Variants in DCUN1D3 observed in about 807,000 individuals in gnomAD.
The protein encoded by DCUN1D3 is DCN1-like protein 3.
In DCUN1D3, 6 loss-of-function variants were observed where a neutral mutation model predicts 24.8. The observed-to-expected ratio is 0.24, with a 90% CI of 0.13 to 0.48. DCUN1D3 has a LOEUF of 0.48. Ranked by LOEUF, DCUN1D3 falls within the 20% of genes least tolerant of loss-of-function variation. The pLI, the probability that DCUN1D3 is intolerant of heterozygous loss-of-function variation, is 0.99. For synonymous variants in DCUN1D3, 120 were observed against 144.9 expected (o/e 0.83, Z 1.24); for missense variants, 258 against 379.4 (o/e 0.68, Z 2.66).
rs537806934 is a variant in DCUN1D3 at position 20,870,209 on chromosome 16, A to G, written c.-105-7566T>C. 6.6e-5 allele frequency among the ~76,000 whole-genome samples: 10 copies of G among 152,266 alleles called. No individual in the cohort carries two copies. The East Asian group carries it at 1.9e-3, about 29-fold the overall frequency. The stretch of plus-strand genomic sequence containing the variant: ...ACCTTTTTTGGCATTCAGTGAGGCC[A>G]AAGTTCTAAATGTGCAACCCTCCTA... On this transcript the variant is annotated intron_variant, in intron 1 of 2. Coordinates refer to ENST00000324344, the MANE Select transcript of DCUN1D3 (RefSeq NM_173475.4).
At chr16:20,861,656 A>C (rs2081733097) in intron 2 of DCUN1D3, among the ~76,000 whole-genome samples, 1 of 152,180 alleles carries the variant, frequency 6.6e-6, no homozygotes, top group African/African-American at 2.4e-5. Flanking sequence ...ATTTAAGGCA[A>C]AGATGAGCAG....
chr16:20,887,751 A>T (rs1029942599), intron 1 of DCUN1D3, among the ~76,000 whole-genome samples: 1 of 152,276 alleles, frequency 6.6e-6, no homozygotes, highest in African/African-American at 2.4e-5. Context: ...GTCAAACATT[A>T]TCTAGACTGG....
At chr16:20,895,865 C>T (rs1271178284) in intron 1 of DCUN1D3, among the ~76,000 whole-genome samples, 1 of 152,192 alleles carries the variant, frequency 6.6e-6, no homozygotes, top group Non-Finnish European at 1.5e-5. Flanking sequence ...GTTACCACGT[C>T]ATTACCATTG....
At position 20,898,957 on chromosome 16, in the gene DCUN1D3, T is replaced by C. The variant is rs188019584; in HGVS notation, c.-106+1247A>G. Among the ~76,000 whole-genome samples the C allele has an allele frequency of 1.8e-4, 28 of 152,266 alleles. No homozygotes were observed. In the East Asian group the frequency reaches 4.2e-3, roughly 23 times the overall value. ...CTTTCCATTCTTTGCTTCAAATAATTTTTTCACATCCGTTATTGGTTTGTA... is the reference window on the plus strand; with the variant it reads ...CTTTCCATTCTTTGCTTCAAATAATCTTTTCACATCCGTTATTGGTTTGTA... On this transcript the variant is annotated intron_variant, in intron 1 of 2. Coordinates refer to ENST00000324344, the MANE Select transcript of DCUN1D3 (RefSeq NM_173475.4).
chr16:20,892,690 T>C (rs2081897467), intron 1 of DCUN1D3, among the ~76,000 whole-genome samples: 2 of 152,136 alleles, frequency 1.3e-5, no homozygotes, highest in African/African-American at 4.8e-5. Flanking sequence ...TGCACTGGTG[T>C]TCGAGAACAG....
rs2081703105 is a variant in DCUN1D3 at position 20,856,401 on chromosome 16, A to G, written c.*3485T>C. ...ATTTTGGCACCAGCCCCTAGAGACC[A>G]GTACTGCTTCAAAGACTAATACTGT... On this transcript the variant is annotated 3_prime_UTR_variant, in exon 3 of 3. Coordinates refer to ENST00000324344, the MANE Select transcript of DCUN1D3 (RefSeq NM_173475.4). The G allele has an allele frequency of 6.6e-6, 1 of 152,258 alleles. No homozygotes were observed. Among genetic ancestry groups the G allele is most frequent in the African/African-American group, 2.4e-5 (1 of 41,474 alleles). 9.4% of individuals were successfully genotyped at this position (152,258 alleles called of 1,614,324 possible).
chr16:20,888,521 C>T (rs560233281), intron 1 of DCUN1D3, among the ~76,000 whole-genome samples: 7 of 152,204 alleles, frequency 4.6e-5, no homozygotes, highest in Admixed American at 6.5e-5. Context: ...TGCAGTGACA[C>T]GATCACAGCT....
chr16:20,893,521 C>G (rs1163995932), intron 1 of DCUN1D3, among the ~76,000 whole-genome samples: 1 of 152,208 alleles, frequency 6.6e-6, no homozygotes, highest in African/African-American at 2.4e-5. Context: ...AAAATAACCA[C>G]TTTTCAACCT....
intron 1 of DCUN1D3, among the ~76,000 whole-genome samples, chr16:20,876,485 C>T (rs2081816274): frequency 6.7e-6 from 1 of 149,292 alleles, no homozygotes; most frequent in East Asian, 1.9e-4. Context: ...AAAATGGGAA[C>T]CCTCGTATAC....
Position 20,862,675 on chromosome 16 carries a change from G to A in DCUN1D3, c.-105-32C>T, listed in dbSNP as rs933360326. 5.3e-5 allele frequency: 80 copies of A among 1,503,170 alleles called. 4 individuals are homozygous for A. The South Asian group carries it at 1.1e-3, about 20-fold the overall frequency. 93.1% of individuals were successfully genotyped at this position (1,503,170 alleles called of 1,614,324 possible). Reference sequence around the variant, plus strand: ...GGAAATTAGAAAGCCATCACCTCTGGGTGGGGGAAATGGGGTATGGACCCT... The same window carrying A: ...GGAAATTAGAAAGCCATCACCTCTGAGTGGGGGAAATGGGGTATGGACCCT... On this transcript the variant is annotated intron_variant, in intron 1 of 2. Coordinates refer to ENST00000324344, the MANE Select transcript of DCUN1D3 (RefSeq NM_173475.4).
chr16:20,871,312 C>T (rs1008852370), intron 1 of DCUN1D3, among the ~76,000 whole-genome samples: 1 of 152,014 alleles, frequency 6.6e-6, no homozygotes, highest in Non-Finnish European at 1.5e-5. Flanking sequence ...TGGGGAGGAA[C>T]CCATGACTTT....
chr16:20,886,777 T>C (rs1396501844), intron 1 of DCUN1D3, among the ~76,000 whole-genome samples: 2 of 152,248 alleles, frequency 1.3e-5, no homozygotes, highest in African/African-American at 2.4e-5. Flanking sequence ...TCTTTGCTTC[T>C]GCTTTCTTCA....
chr16:20,871,945 T>C (rs990257552), intron 1 of DCUN1D3, among the ~76,000 whole-genome samples: 2 of 152,216 alleles, frequency 1.3e-5, no homozygotes, highest in Non-Finnish European at 2.9e-5. Flanking sequence ...GGATTTGTAC[T>C]GAACCTTAAC....
intron 1 of DCUN1D3, among the ~76,000 whole-genome samples, chr16:20,887,197 G>A (rs1272001906): frequency 1.3e-5 from 2 of 152,148 alleles, no homozygotes; most frequent in African/African-American, 4.8e-5. Context: ...AGCTACTCGG[G>A]AGGCTGAGGC....
At chr16:20,898,029 C>T (rs1311474101) in intron 1 of DCUN1D3, among the ~76,000 whole-genome samples, 2 of 152,202 alleles carry the variant, frequency 1.3e-5, no homozygotes, top group South Asian at 4.1e-4. Context: ...AACTCTCCCC[C>T]GTGTTCACTA....
chr16:20,885,024 G>A (rs1481832081), intron 1 of DCUN1D3, among the ~76,000 whole-genome samples: 1 of 148,696 alleles, frequency 6.7e-6, no homozygotes, highest in Non-Finnish European at 1.5e-5. Context: ...TCACCAGGCT[G>A]GAGTACAATG....
chr16:20,875,085 C>T (rs11074477), intron 1 of DCUN1D3, among the ~76,000 whole-genome samples: 64,546 of 151,640 alleles, frequency 0.43, 16,218 homozygotes, highest in Non-Finnish European at 0.58. Flanking sequence ...CAGCTATGCC[C>T]TATTTTAAGA....
intron 1 of DCUN1D3, among the ~76,000 whole-genome samples, chr16:20,871,207 AAACG>A (rs1458623232): frequency 5.3e-5 from 8 of 152,240 alleles, no homozygotes; most frequent in African/African-American, 1.9e-4. Context: ...CTGCCAAAGC[AAACG>A]AGACCCGTCT....
At chr16:20,880,786 A>T (rs1021696132) in intron 1 of DCUN1D3, among the ~76,000 whole-genome samples, 2 of 152,114 alleles carry the variant, frequency 1.3e-5, no homozygotes, top group African/African-American at 4.8e-5. Context: ...AACATCCACA[A>T]ATAGTTTCCC....
Sources: allele counts gnomAD v4.1 joint callset (sites outside exome capture counted in the v4.1 genomes callset), GRCh38; gene constraint gnomAD v4.1.1; transcripts MANE v1.5; gene names NCBI Gene and HGNC (gene_info 2026-07-23, HGNC 2026-07-21).